Variants in SDC2 observed in about 807,000 individuals in gnomAD.
The protein encoded by SDC2 is syndecan-2.
Under a neutral mutation model 22.2 loss-of-function variants are expected in SDC2, and 13 were observed. The observed-to-expected ratio is 0.59, with a 90% confidence interval of 0.38 to 0.93. The LOEUF is 0.93. Among genes scored for constraint, SDC2 ranks in the 40% least tolerant of loss-of-function variants. SDC2 has a pLI of 0.00. For missense variants in SDC2, 235 were observed against 246.8 expected (o/e 0.95, Z 0.32); for synonymous variants, 94 against 92.8 (o/e 1.01, Z -0.07).
intron 4 of SDC2, 60 bp downstream of exon 4, chr8:96,608,530 G>GTGAT (rs1815123034): frequency 6.9e-7 from 1 of 1,448,110 alleles, no homozygotes; most frequent in East Asian, 2.4e-5. Flanking sequence ...GTTAGTCTAA[G>GTGAT]TGATATTCAA....
intron 1 of SDC2, among the ~76,000 whole-genome samples, chr8:96,498,470 CT>C (rs11325616): frequency 0.2 from 29,505 of 147,238 alleles, 3,226 homozygotes; most frequent in Non-Finnish European, 0.27. Context: ...CAGCGCTAAT[CT>C]TTTTTTTTTT....
At chr8:96,510,465 G>A (rs994090489) in intron 1 of SDC2, among the ~76,000 whole-genome samples, 2 of 152,120 alleles carry the variant, frequency 1.3e-5, no homozygotes, top group Non-Finnish European at 2.9e-5. Context: ...TACTTTGTTC[G>A]GGTATCTAAT....
At chr8:96,607,226 T>C (rs1815096578) in intron 3 of SDC2, among the ~76,000 whole-genome samples, 2 of 142,642 alleles carry the variant, frequency 1.4e-5, no homozygotes, top group Non-Finnish European at 1.5e-5. Flanking sequence ...CCTCACAGGG[T>C]TTTCTACTGG....
At chr8:96,540,279 C>A (rs1313520962) in intron 1 of SDC2, among the ~76,000 whole-genome samples, 1 of 149,632 alleles carries the variant, frequency 6.7e-6, no homozygotes, top group Non-Finnish European at 1.5e-5. Flanking sequence ...ATTGCTTGAG[C>A]TTGGGTGTTC....
chr8:96,593,658 G>A, intron 2 of SDC2, 67 bp downstream of exon 2: 1 of 1,041,450 alleles, frequency 9.6e-7, no homozygotes, highest in African/African-American at 1.6e-5. Flanking sequence ...ATTTTACTGT[G>A]CTTACTTCAA....
chr8:96,508,349 C>A (rs538181950), intron 1 of SDC2, among the ~76,000 whole-genome samples: 1 of 144,016 alleles, frequency 6.9e-6, no homozygotes, highest in African/African-American at 2.6e-5. Flanking sequence ...AATAATTAGC[C>A]GGGTGTGGTC....
At chr8:96,524,137 C>A (rs1813540270) in intron 1 of SDC2, among the ~76,000 whole-genome samples, 1 of 152,176 alleles carries the variant, frequency 6.6e-6, no homozygotes, top group Non-Finnish European at 1.5e-5. Context: ...GTTCATATAC[C>A]AGAGACCCCG....
intron 1 of SDC2, among the ~76,000 whole-genome samples, chr8:96,559,040 G>C (rs560424973): frequency 6.6e-6 from 1 of 152,286 alleles, no homozygotes; most frequent in African/African-American, 2.4e-5. Flanking sequence ...TGTAATTGGT[G>C]AGTAATTTTC....
intron 1 of SDC2, among the ~76,000 whole-genome samples, chr8:96,548,490 G>GAA (rs1813972047): frequency 6.6e-6 from 1 of 152,230 alleles, no homozygotes; most frequent in Non-Finnish European, 1.5e-5. Context: ...GGGTCAAAGA[G>GAA]AAAGTTCATT....
intron 1 of SDC2, among the ~76,000 whole-genome samples, chr8:96,530,183 T>C (rs1327276287): frequency 6.6e-6 from 1 of 152,200 alleles, no homozygotes; most frequent in African/African-American, 2.4e-5. Context: ...TTGTGATTGT[T>C]TTGTCTAAAT....
At chr8:96,534,124 C>G (rs907628480) in intron 1 of SDC2, among the ~76,000 whole-genome samples, 1 of 152,236 alleles carries the variant, frequency 6.6e-6, no homozygotes, top group Admixed American at 6.5e-5. Flanking sequence ...GCCGAGCCCA[C>G]GCCCACCTGG....
In SDC2 at chr8:96,592,166, C is replaced by CA. The variant is rs199996181; in HGVS notation, c.61-1313dup. 6.0e-3 allele frequency among the ~76,000 whole-genome samples: 916 copies of CA among 152,282 alleles called. 11 individuals are homozygous for CA. Among genetic ancestry groups the CA allele is most frequent in the African/African-American group, 0.021 (878 of 41,542 alleles). On this transcript the variant is annotated intron_variant, in intron 1 of 4. Coordinates refer to ENST00000302190, the MANE Select transcript of SDC2 (RefSeq NM_002998.4). ...TGATAGCTCAAACAAAATAGATTCC[C>CA]ATGCTTTGCTTTCAGTTGGCACTGA...
At chr8:96,571,347 A>G (rs34984118) in intron 1 of SDC2, among the ~76,000 whole-genome samples, 17,438 of 152,174 alleles carry the variant, frequency 0.11, 1,231 homozygotes, top group East Asian at 0.38. Context: ...GAAAGTGTGT[A>G]TGCTTAGGGA....
At chr8:96,501,884 C>A (rs71514921) in intron 1 of SDC2, among the ~76,000 whole-genome samples, 3,670 of 152,170 alleles carry the variant, frequency 0.024, 63 homozygotes, top group Non-Finnish European at 0.039. Context: ...TCAAATACTT[C>A]TAATTTTATT....
At chr8:96,563,756 G>T (rs182585788) in intron 1 of SDC2, among the ~76,000 whole-genome samples, 1 of 152,312 alleles carries the variant, frequency 6.6e-6, no homozygotes, top group Admixed American at 6.5e-5. Context: ...CTGTGCATTG[G>T]ATTTTACATC....
chr8:96,582,600 A>C (rs930857804), intron 1 of SDC2, among the ~76,000 whole-genome samples: 9 of 152,218 alleles, frequency 5.9e-5, no homozygotes, highest in Admixed American at 4.6e-4. Context: ...CTCCTAGATC[A>C]GGTCACTGTG....
intron 1 of SDC2, among the ~76,000 whole-genome samples, chr8:96,564,512 G>T (rs1185550774): frequency 6.6e-6 from 1 of 152,036 alleles, no homozygotes; most frequent in Non-Finnish European, 1.5e-5. Flanking sequence ...TGACCGTAGA[G>T]TTGTGTGGGT....
intron 1 of SDC2, among the ~76,000 whole-genome samples, chr8:96,520,390 G>T (rs182921503): frequency 6.6e-6 from 1 of 152,310 alleles, no homozygotes; most frequent in Non-Finnish European, 1.5e-5. Context: ...GATTTCTGCT[G>T]CTTCACTCAC....
At chr8:96,525,835 C>A (rs1037198227) in intron 1 of SDC2, among the ~76,000 whole-genome samples, 6 of 152,018 alleles carry the variant, frequency 3.9e-5, no homozygotes, top group African/African-American at 9.7e-5. Context: ...TTGAAAGGGG[C>A]GGTTTCAGGA....
Sources: allele counts gnomAD v4.1 joint callset (sites outside exome capture counted in the v4.1 genomes callset), GRCh38; gene constraint gnomAD v4.1.1; transcripts MANE v1.5; gene names NCBI Gene and HGNC (gene_info 2026-07-23, HGNC 2026-07-21).